Variants in ATP11A observed in about 807,000 individuals in gnomAD.
ATP11A encodes phospholipid-transporting ATPase IH.
In ATP11A, 81 loss-of-function variants were observed where a neutral mutation model predicts 154.4. The observed-to-expected ratio is 0.52, with a 90% CI of 0.44 to 0.63. The LOEUF (loss-of-function observed/expected upper bound fraction) is 0.63, where lower values mean the gene tolerates loss of function less well. Ranked by LOEUF, ATP11A falls within the 30% of genes least tolerant of loss-of-function variation. ATP11A has a pLI of 0.00. For missense variants in ATP11A, 1,316 were observed against 1,474.3 expected, an observed-to-expected ratio of 0.89 and a Z score of 1.76; for synonymous variants, 623 against 585.9, an observed-to-expected ratio of 1.06 and a Z score of -0.91.
At chr13:112,840,660 G>A (rs907035091) in intron 16 of ATP11A, among the ~76,000 whole-genome samples, 7 of 151,706 alleles carry the variant, frequency 4.6e-5, no homozygotes, top group African/African-American at 9.7e-5. Context: ...CATCCTCTCT[G>A]GCTGCAGGTT....
chr13:112,883,713 C>G lies in ATP11A; in HGVS notation c.*1847C>G, dbSNP rs965378881. The G allele has an allele frequency of 6.6e-6, 1 of 152,624 alleles. No individual in the cohort carries two copies. The highest frequency in any genetic ancestry group is 1.9e-4 in the East Asian group (1 of 5,184). The allele number at this position is 152,624 out of a possible 1,614,324, so 9.5% of individuals were successfully genotyped here. On this transcript the variant is annotated 3_prime_UTR_variant, in exon 30 of 30. Coordinates refer to ENST00000375645, the MANE Select transcript of ATP11A (RefSeq NM_015205.3). ...GAACGGGGAAGACTCCACTCTGTCC[C>G]GAGGGGCCAGCCGCAGGCGTCCCCA... is the stretch of plus-strand genomic sequence containing the variant.
Position 112,875,761 on chromosome 13 carries a change from T to G in ATP11A, c.3162-15T>G. On this transcript the variant is annotated splice_polypyrimidine_tract_variant and intron_variant, in intron 27 of 29. Transcript: ENST00000375645. The surrounding 1 kb of genome is among the most constrained non-coding windows in gnomAD (Gnocchi z 4.1). Reference sequence around the variant, plus strand: ...GTACATGCCTCACCAGCGGCTTCTCTTCCCTGCCCCTCAGGCCGTTCCTCA... The same window carrying G: ...GTACATGCCTCACCAGCGGCTTCTCGTCCCTGCCCCTCAGGCCGTTCCTCA... The G allele has an allele frequency of 6.2e-7, 1 of 1,610,460 alleles. No individual in the cohort carries two copies. The highest frequency in any genetic ancestry group is 8.5e-7 in the Non-Finnish European group (1 of 1,177,342).
chr13:112,819,306 G>T lies in ATP11A; in HGVS notation c.573G>T (p.Thr191=). The T allele has an allele frequency of 1.9e-6, 3 of 1,614,026 alleles. No homozygotes were observed. Among genetic ancestry groups the T allele is most frequent in the Non-Finnish European group, 2.5e-6 (3 of 1,179,934 alleles). The change falls in exon 7 of 30, where the codon ACG becomes ACT. Residue 191 remains threonine (T), a splice_region_variant and synonymous_variant. Transcript: ENST00000375645. ...ASLDGESSHK[T]HYAVQDTKGF... ...TCACATGTCTTGTGCATTTGTAGAC[G>T]CATTACGCGGTCCAGGACACCAAAG...
rs150786097 is a variant in ATP11A, at chr13:112,794,635, C to T, written c.162+9378C>T. On this transcript the variant is annotated intron_variant, in intron 2 of 29. Transcript: ENST00000375645. ...CTGTAATCCCAGAACTTTGGGAGGC[C>T]GAAGCGGGCGGATCACGAGGTCAGG... is the stretch of plus-strand genomic sequence containing the variant. Among the ~76,000 whole-genome samples, 958 of 152,084 alleles carry T rather than the reference C, an allele frequency of 6.3e-3. 17 individuals carry two copies. The East Asian group carries it at 0.077, about 12-fold the overall frequency.
intron 1 of ATP11A, among the ~76,000 whole-genome samples, chr13:112,735,184 T>C (rs1188358713): frequency 6.6e-6 from 1 of 152,254 alleles, no homozygotes; most frequent in African/African-American, 2.4e-5. Flanking sequence ...ATAAACTTTT[T>C]CATTCAAGGG....
intron 4 of ATP11A, among the ~76,000 whole-genome samples, chr13:112,808,518 TC>T (rs1371310399): frequency 6.7e-6 from 1 of 148,310 alleles, no homozygotes; most frequent in Non-Finnish European, 1.5e-5. Flanking sequence ...TTGTCCCTCT[TC>T]CTTGGGAACA....
intron 1 of ATP11A, chr13:112,717,808 G>A (rs976474279): frequency 1.3e-5 from 2 of 152,256 alleles, no homozygotes; most frequent in Non-Finnish European, 2.9e-5. Context: ...CAGGCACGGC[G>A]GCTCACGCCT....
At chr13:112,765,477 G>A (rs368246962) in intron 1 of ATP11A, among the ~76,000 whole-genome samples, 1 of 152,170 alleles carries the variant, frequency 6.6e-6, no homozygotes, top group East Asian at 1.9e-4. Flanking sequence ...TCCACTCCAC[G>A]TTCTTCTGAG....
At chr13:112,810,501 C>T in intron 4 of ATP11A, 118 bp from the exon 5 acceptor site, 1 of 820,924 alleles carries the variant, frequency 1.2e-6, no homozygotes, top group Non-Finnish European at 2.0e-6. Context: ...AAATACACCC[C>T]CACAGGCTTG....
In ATP11A at chr13:112,854,373, G is replaced by T. The variant is rs1404621893; in HGVS notation, c.2086G>T (p.Ala696Ser). ...GGGAGACAAGATGGAGACGGCCGCG[G>T]CCACGTGCTACGCCTGCAAGCTCTT... ...LTGDKMETAA[A>S]TCYACKLFRR... Residue 696 changes from alanine (A) to serine (S), a missense_variant, in exon 19 of 30, where the codon GCC becomes TCC. By Grantham distance (99) the Ala-to-Ser change is moderately conservative. Coordinates refer to ENST00000375645, the MANE Select transcript of ATP11A (RefSeq NM_015205.3). 3 of 1,613,888 alleles carry T rather than the reference G, an allele frequency of 1.9e-6. No individual in the cohort carries two copies. In the African/African-American group the frequency reaches 4.0e-5, roughly 22 times the overall value.
At chr13:112,758,012 A>G (rs1434334735) in intron 1 of ATP11A, among the ~76,000 whole-genome samples, 1 of 152,222 alleles carries the variant, frequency 6.6e-6, no homozygotes, top group Non-Finnish European at 1.5e-5. Flanking sequence ...TGCGGGACAC[A>G]TGCTACTCAG....
At position 112,854,357 on chromosome 13, in the gene ATP11A, G is replaced by C. The variant is rs1490095503; in HGVS notation, c.2070G>C (p.Lys690Asn). The C allele has an allele frequency of 2.7e-5, 44 of 1,614,038 alleles. No homozygotes were observed. The highest frequency in any genetic ancestry group is 3.5e-5 in the Non-Finnish European group (41 of 1,180,050). Residue 690 changes from lysine to asparagine, a missense_variant, in exon 19 of 30, where the codon AAG becomes AAC. Physicochemically the swap from Lys to Asn is moderately conservative, Grantham distance 94. Coordinates refer to ENST00000375645, the MANE Select transcript of ATP11A (RefSeq NM_015205.3). ...GIKVWVLTGD[K>N]METAAATCYA... is the part of the protein sequence containing the mutation. ...AAGTCTGGGTTCTCACGGGAGACAAGATGGAGACGGCCGCGGCCACGTGCT... is the reference window on the plus strand; with the variant it reads ...AAGTCTGGGTTCTCACGGGAGACAACATGGAGACGGCCGCGGCCACGTGCT...
At chr13:112,762,221 G>A (rs2076979553) in intron 1 of ATP11A, among the ~76,000 whole-genome samples, 1 of 152,136 alleles carries the variant, frequency 6.6e-6, no homozygotes. Context: ...GTGGGCTTCT[G>A]GGCCGGGTCC....
intron 12 of ATP11A, among the ~76,000 whole-genome samples, chr13:112,830,396 G>A (rs781677948): frequency 3.3e-5 from 5 of 152,154 alleles, no homozygotes; most frequent in African/African-American, 7.2e-5. Flanking sequence ...CCAACATGGC[G>A]AAACTCCCAT....
intron 1 of ATP11A, among the ~76,000 whole-genome samples, chr13:112,711,147 G>A (rs1887699285): frequency 6.6e-6 from 1 of 152,190 alleles, no homozygotes; most frequent in African/African-American, 2.4e-5. Flanking sequence ...GAGGCAGCTG[G>A]GCCGCGTGCG....
rs1397973245 is a variant in ATP11A, at chr13:112,884,353, G to A, written c.*2487G>A. ...TGAAGGTTTAGTAAGTTGGGTCCCA[G>A]CTCTGCCTGTGTGGAGATAGTCACC... On this transcript the variant is annotated 3_prime_UTR_variant, in exon 30 of 30. Transcript: ENST00000375645. 1 of 152,632 alleles carries A rather than the reference G, an allele frequency of 6.6e-6. No homozygotes were observed. The highest frequency in any genetic ancestry group is 2.4e-5 in the African/African-American group (1 of 41,446). The allele number at this position is 152,632 out of a possible 1,614,324, so 9.5% of individuals were successfully genotyped here.
At chr13:112,798,876 CT>C (rs1358652885) in intron 2 of ATP11A, among the ~76,000 whole-genome samples, 1 of 152,152 alleles carries the variant, frequency 6.6e-6, no homozygotes, top group East Asian at 1.9e-4. Flanking sequence ...AATACAGAAA[CT>C]GTCAGAATAG....
Position 112,882,263 on chromosome 13 carries a change from G to T in ATP11A, c.*397G>T. Reference sequence around the variant, plus strand: ...GACATTCTGCTGGCCCACCCTGCGCGCTGTCATGCAGAGGCCATTCCCCCA... The same window carrying T: ...GACATTCTGCTGGCCCACCCTGCGCTCTGTCATGCAGAGGCCATTCCCCCA... On this transcript the variant is annotated 3_prime_UTR_variant, in exon 30 of 30. Transcript: ENST00000375645. The surrounding 1 kb of genome is among the most constrained non-coding windows in gnomAD (Gnocchi z 5.1). The T allele has an allele frequency of 1.8e-6, 1 of 565,610 alleles. No homozygotes were observed. 35.0% of individuals were successfully genotyped at this position (565,610 alleles called of 1,614,324 possible). A position where few individuals can be genotyped will look rare whatever the true frequency, so the allele number is the denominator to read the frequency against.
intron 16 of ATP11A, 80 bp downstream of exon 16, chr13:112,836,331 CT>C (rs1242666506): frequency 1.5e-5 from 12 of 810,508 alleles, no homozygotes; most frequent in Non-Finnish European, 2.2e-5. Flanking sequence ...TCTACAGGAG[CT>C]TTAAGGATTT....
Sources: allele counts gnomAD v4.1 joint callset (sites outside exome capture counted in the v4.1 genomes callset), GRCh38; gene constraint gnomAD v4.1.1; non-coding constraint Gnocchi (gnomAD v3.1); transcripts MANE v1.5; gene names NCBI Gene and HGNC (gene_info 2026-07-23, HGNC 2026-07-21).